Variants in ANKRD55 observed in about 807,000 individuals in gnomAD.
ANKRD55 encodes ankyrin repeat domain-containing protein 55.
ANKRD55 carries 41 observed loss-of-function variants against 60.6 expected under a neutral mutation model. The observed-to-expected ratio is 0.68, with a 90% CI of 0.53 to 0.88. ANKRD55 has a LOEUF of 0.88. Among genes scored for constraint, ANKRD55 ranks in the 40% least tolerant of loss-of-function variants. The probability of loss-of-function intolerance (pLI) is 0.00; values close to 1 mark genes in which losing one functional copy is unlikely to be tolerated. For synonymous variants in ANKRD55, 264 were observed against 290.3 expected (o/e 0.91, Z 0.92); for missense variants, 732 against 767.6 (o/e 0.95, Z 0.55).
At chr5:56,109,747 C>A (rs191241888) in intron 10 of ANKRD55, among the ~76,000 whole-genome samples, 1 of 152,112 alleles carries the variant, frequency 6.6e-6, no homozygotes, top group African/African-American at 2.4e-5. Context: ...CTATGCCAGG[C>A]GCGGTGGCTC....
At chr5:56,137,198 G>T (rs1757628125) in intron 7 of ANKRD55, 16 of 1,609,986 alleles carry the variant, frequency 9.9e-6, no homozygotes, top group African/African-American at 1.3e-5. Context: ...CCCAGGCCAA[G>T]CAGTGGGGCT....
intron 2 of ANKRD55, among the ~76,000 whole-genome samples, chr5:56,196,157 C>G (rs150719684): frequency 6.6e-6 from 1 of 152,170 alleles, no homozygotes; most frequent in Non-Finnish European, 1.5e-5. Context: ...TTAATATTTC[C>G]GTGTCTCAAT....
chr5:56,205,338 G>A (rs1759475485), intron 2 of ANKRD55, among the ~76,000 whole-genome samples: 1 of 152,178 alleles, frequency 6.6e-6, no homozygotes. Context: ...TAGGATTATA[G>A]GTGTGAGCCA....
chr5:56,160,288 G>A (rs887600859), intron 5 of ANKRD55, among the ~76,000 whole-genome samples: 1 of 152,268 alleles, frequency 6.6e-6, no homozygotes, highest in East Asian at 1.9e-4. Context: ...GCCCAGGCTC[G>A]AGTGCAGTGG....
intron 2 of ANKRD55, among the ~76,000 whole-genome samples, chr5:56,198,191 T>C (rs564817382): frequency 2.0e-5 from 3 of 152,352 alleles, no homozygotes; most frequent in East Asian, 3.9e-4. Flanking sequence ...CCCTATGAGA[T>C]TGAAAGTAAA....
chr5:56,135,336 T>G (rs1319924232), intron 7 of ANKRD55, among the ~76,000 whole-genome samples: 1 of 19,022 alleles, frequency 5.3e-5, no homozygotes, highest in African/African-American at 3.9e-4. Flanking sequence ...TCTTTCTTTC[T>G]TTCTTTCTTT....
chr5:56,110,503 T>A (rs1320097472), intron 10 of ANKRD55: 1 of 153,562 alleles, frequency 6.5e-6, no homozygotes, highest in Non-Finnish European at 1.4e-5. Flanking sequence ...GGGTAAAATA[T>A]CTCTGGAAGG....
chr5:56,123,086 C>T, intron 8 of ANKRD55, among the ~76,000 whole-genome samples: 1 of 152,014 alleles, frequency 6.6e-6, no homozygotes, highest in East Asian at 1.9e-4. Flanking sequence ...GTCTTCTGTG[C>T]AAAGAATGAC....
chr5:56,147,744 G>A (rs754916363), intron 6 of ANKRD55, among the ~76,000 whole-genome samples: 27 of 150,922 alleles, frequency 1.8e-4, no homozygotes, highest in South Asian at 8.5e-4. Flanking sequence ...TTTTTCATTT[G>A]GGCTGATGAG....
In ANKRD55 at chr5:56,102,654, A is replaced by G; in HGVS notation, c.1631-68T>C. 2.8e-6 allele frequency: 3 copies of G among 1,076,332 alleles called. No individual in the cohort carries two copies. The East Asian group carries it at 7.2e-5, about 26-fold the overall frequency. 66.7% of individuals were successfully genotyped at this position (1,076,332 alleles called of 1,614,324 possible). A position where few individuals can be genotyped will look rare whatever the true frequency, so the allele number is the denominator to read the frequency against. ...AAGTGCAAATTACAGAATGCAATGG[A>G]TAAGAGAATCATCAAAGTTGTTACA... On this transcript the variant is annotated intron_variant, in intron 10 of 11. Transcript: ENST00000341048.
chr5:56,135,283 CCTGCCTGCTTG>C (rs1561263916), intron 7 of ANKRD55, among the ~76,000 whole-genome samples: 15 of 43,948 alleles, frequency 3.4e-4, no homozygotes, highest in Admixed American at 1.6e-3. Context: ...TCCCTCCCTG[CCTGCCTGCTTG>C]CTTTCTTTCT....
At chr5:56,153,799 T>C (rs762506214) in intron 6 of ANKRD55, among the ~76,000 whole-genome samples, 7 of 151,156 alleles carry the variant, frequency 4.6e-5, no homozygotes, top group Non-Finnish European at 8.8e-5. Context: ...ATCGCACCAT[T>C]GTACTCCGGC....
chr5:56,162,052 C>T (rs1382807752), intron 5 of ANKRD55: 4 of 985,192 alleles, frequency 4.1e-6, no homozygotes, highest in East Asian at 1.1e-4. Flanking sequence ...ATTGTTTACT[C>T]TCTAGGGCCC....
chr5:56,121,044 G>A (rs546326930), intron 8 of ANKRD55, among the ~76,000 whole-genome samples: 1 of 152,162 alleles, frequency 6.6e-6, no homozygotes, highest in African/African-American at 2.4e-5. Flanking sequence ...TAGGCAATGG[G>A]ACCACAGGCA....
At chr5:56,170,386 C>A (rs1471655) in intron 5 of ANKRD55, among the ~76,000 whole-genome samples, 1 of 151,830 alleles carries the variant, frequency 6.6e-6, no homozygotes. Flanking sequence ...AACATGTGCT[C>A]GAAAAATAGT....
chr5:56,150,521 T>A (rs909046205), intron 6 of ANKRD55, among the ~76,000 whole-genome samples: 3 of 151,930 alleles, frequency 2.0e-5, no homozygotes, highest in Non-Finnish European at 4.4e-5. Context: ...GGAGAGTCAC[T>A]TGAGCCTGGG....
At chr5:56,163,040 C>G (rs1758370901) in intron 5 of ANKRD55, among the ~76,000 whole-genome samples, 1 of 152,180 alleles carries the variant, frequency 6.6e-6, no homozygotes. Flanking sequence ...CATGTCTTCT[C>G]TGTCATGGCT....
intron 3 of ANKRD55, among the ~76,000 whole-genome samples, chr5:56,181,677 G>GC (rs1561283406): frequency 1.3e-5 from 2 of 152,050 alleles, no homozygotes; most frequent in African/African-American, 4.8e-5. Flanking sequence ...TGCAACCTCC[G>GC]CCTCCCGGTT....
intron 7 of ANKRD55, among the ~76,000 whole-genome samples, chr5:56,128,285 T>C (rs529389488): frequency 1.1e-4 from 17 of 152,200 alleles, no homozygotes; most frequent in Admixed American, 2.0e-4. Flanking sequence ...CCCCTCTTGG[T>C]AGAAGAAGAA....
Sources: gnomAD v4.1 joint callset for allele counts (sites outside exome capture counted in the v4.1 genomes callset) on GRCh38, gnomAD v4.1.1 for gene constraint, MANE v1.5 for transcripts, NCBI Gene and HGNC (gene_info 2026-07-23, HGNC 2026-07-21) for gene names.